The following TRPM1 variants were observed in gnomAD, a reference collection of about 807,000 sequenced individuals.
TRPM1 encodes TRPM1-203 APA Isoform, Intron 10.
Under a neutral mutation model 149.4 loss-of-function variants are expected in TRPM1, and 113 were observed. The ratio of observed to expected loss-of-function variants is 0.76; its 90% confidence interval spans 0.65 to 0.88. The LOEUF is 0.88. Among genes scored for constraint, TRPM1 ranks in the 40% least tolerant of loss-of-function variants. The pLI, the probability that TRPM1 is intolerant of heterozygous loss-of-function variation, is 0.00. For synonymous variants in TRPM1, 741 were observed against 759.5 expected (o/e 0.98, Z 0.40); for missense variants, 1,976 against 2,038.7 (o/e 0.97, Z 0.59).
intron 11 of TRPM1, among the ~76,000 whole-genome samples, chr15:31,058,935 A>AG (rs2034155221): frequency 6.6e-6 from 1 of 151,944 alleles, no homozygotes; most frequent in South Asian, 2.1e-4. Context: ...TGCAAAAAAA[A>AG]TTTAGCTGGG....
At chr15:31,082,388 G>A (rs891925460) in intron 1 of TRPM1, among the ~76,000 whole-genome samples, 4 of 152,086 alleles carry the variant, frequency 2.6e-5, no homozygotes, top group Admixed American at 6.5e-5. Context: ...TACTGGAGGC[G>A]GACTGCTGGC....
chr15:31,159,764 G>T (rs1043597644), intron 1 of TRPM1, among the ~76,000 whole-genome samples: 1 of 152,094 alleles, frequency 6.6e-6, no homozygotes, highest in Non-Finnish European at 1.5e-5. Context: ...TTTTATGGAC[G>T]GGGAGACTGC....
At chr15:31,071,955 C>A (rs1243723045) in intron 3 of TRPM1, among the ~76,000 whole-genome samples, 1 of 97,068 alleles carries the variant, frequency 1.0e-5, no homozygotes, top group Non-Finnish European at 2.0e-5. Context: ...CAGAGTGAGA[C>A]TCCGTCTCAA....
intron 1 of TRPM1, among the ~76,000 whole-genome samples, chr15:31,143,865 TGTGA>T (rs1294454490): frequency 8.5e-5 from 13 of 152,224 alleles, no homozygotes; most frequent in Non-Finnish European, 1.6e-4. Flanking sequence ...AGAAGCTATT[TGTGA>T]GTATTCTTAT....
intron 7 of TRPM1, among the ~76,000 whole-genome samples, chr15:31,065,517 G>C (rs1241522431): frequency 1.3e-5 from 2 of 152,132 alleles, no homozygotes; most frequent in East Asian, 3.9e-4. Flanking sequence ...TGAGGTTTGC[G>C]TCTTTCTCTC....
At chr15:31,158,233 G>T (rs1457427392) in intron 1 of TRPM1, among the ~76,000 whole-genome samples, 1 of 152,122 alleles carries the variant, frequency 6.6e-6, no homozygotes, top group Non-Finnish European at 1.5e-5. Context: ...ACTGTTACAG[G>T]ACAGGGGTCC....
chr15:31,002,453 T>A lies in TRPM1; in HGVS notation c.4247A>T (p.Asp1416Val), dbSNP rs1409852330. ...CACTGTTAGCTGAGTGTTTTGAACA[T>A]CTGATTTGTCCTGTCCATGTATCAC... ...TDVIHGQDKS[D>V]VQNTQLTVET... The change falls in exon 28 of 28, where the codon GAT (aspartate) becomes GTT (valine). Residue 1416 changes from aspartate (D) to valine (V), a missense_variant. Asp to Val is a radical substitution (Grantham distance 152, BLOSUM62 -3). Coordinates refer to ENST00000256552, the MANE Select transcript of TRPM1 (RefSeq NM_001252024.2). The A allele has an allele frequency of 4.3e-6, 7 of 1,614,230 alleles. No individual in the cohort carries two copies. The Admixed American group carries it at 6.7e-5, about 15-fold the overall frequency.
At chr15:31,160,651 G>A (rs941769980) in intron 1 of TRPM1, among the ~76,000 whole-genome samples, 2 of 152,218 alleles carry the variant, frequency 1.3e-5, no homozygotes, top group Admixed American at 6.5e-5. Flanking sequence ...GACGCCTCCC[G>A]GGTTTGCCAC....
At chr15:31,069,980 G>A (rs187740943) in intron 4 of TRPM1, 51 bp downstream of exon 4, 75 of 1,613,994 alleles carry the variant, frequency 4.6e-5, no homozygotes, top group Admixed American at 2.8e-4. Context: ...GAGACTGGCC[G>A]CCAATGAAAG....
chr15:31,008,956 A>G (rs61997145), intron 27 of TRPM1, among the ~76,000 whole-genome samples: 34,892 of 152,140 alleles, frequency 0.23, 4,549 homozygotes, highest in Non-Finnish European at 0.29. Flanking sequence ...GAACTCAGAA[A>G]GAGAAGACTC....
In TRPM1 at chr15:31,042,278, A is replaced by G. The variant is rs553544365; in HGVS notation, c.1795-35T>C. The G allele has an allele frequency of 1.0e-4, 155 of 1,549,754 alleles. 5 individuals are homozygous for G. In the South Asian group the frequency reaches 1.7e-3, roughly 17 times the overall value. ...GAAACATGGATTTCATGGTTTTGCCATAAAAGTATGCAACAAAGAGTTCCA... is the reference window on the plus strand; with the variant it reads ...GAAACATGGATTTCATGGTTTTGCCGTAAAAGTATGCAACAAAGAGTTCCA... On this transcript the variant is annotated intron_variant, in intron 16 of 27. Transcript: ENST00000256552.
At position 31,046,275 on chromosome 15, in the gene TRPM1, A is replaced by AGTATTGT; in HGVS notation, c.1765-43_1765-42insACAATAC. 5.5e-5 allele frequency: 87 copies of AGTATTGT among 1,594,858 alleles called. No homozygotes were observed. In the African/African-American group the frequency reaches 1.1e-3, roughly 20 times the overall value. On this transcript the variant is annotated intron_variant, in intron 15 of 27. Transcript: ENST00000256552. The stretch of plus-strand genomic sequence containing the variant: ...GAAGAAAAAAAATCAATTTACTTAG[A>AGTATTGT]TAACTAATGTTAGTAGTACATTAGC...
intron 1 of TRPM1, among the ~76,000 whole-genome samples, chr15:31,091,046 G>C (rs760078428): frequency 5.9e-5 from 9 of 152,300 alleles, no homozygotes; most frequent in Middle Eastern, 3.4e-3. Context: ...AGCATTAGCT[G>C]ATAAAAAAAA....
intron 3 of TRPM1, 146 bp from the exon 4 acceptor site, chr15:31,070,372 A>G (rs1240684865): frequency 2.5e-6 from 2 of 790,088 alleles, no homozygotes; most frequent in Non-Finnish European, 4.4e-6. Flanking sequence ...TAGGGACAGA[A>G]ATGCCCCATC....
chr15:31,073,703 C>T (rs2034618977), intron 3 of TRPM1, among the ~76,000 whole-genome samples: 1 of 151,880 alleles, frequency 6.6e-6, no homozygotes, highest in Admixed American at 6.6e-5. Context: ...TTCTTTATTT[C>T]TCTTACCTAA....
At chr15:31,120,481 A>G (rs895263453) in intron 1 of TRPM1, among the ~76,000 whole-genome samples, 1 of 152,198 alleles carries the variant, frequency 6.6e-6, no homozygotes, top group African/African-American at 2.4e-5. Flanking sequence ...TCTATCAGTA[A>G]TTTATGGATC....
At chr15:31,077,799 T>A (rs1471268752) in intron 2 of TRPM1, among the ~76,000 whole-genome samples, 1 of 151,910 alleles carries the variant, frequency 6.6e-6, no homozygotes, top group African/African-American at 2.4e-5. Context: ...GTGCAGAGTG[T>A]GTCGTGATGC....
At chr15:31,104,660 C>G (rs1016404601), upstream of TRPM1, among the ~76,000 whole-genome samples, 29 of 136,458 alleles carry the variant, frequency 2.1e-4, no homozygotes, top group African/African-American at 7.1e-4. Context: ...GTGGCGCCAT[C>G]TCGGCTCACT....
intron 1 of TRPM1, among the ~76,000 whole-genome samples, chr15:31,095,594 A>G (rs1320774195): frequency 6.6e-6 from 1 of 152,048 alleles, no homozygotes; most frequent in Non-Finnish European, 1.5e-5. Context: ...CTGAGGCAGG[A>G]GAATAGCTTG....
Sources: gnomAD v4.1 joint callset for allele counts (sites outside exome capture counted in the v4.1 genomes callset) on GRCh38, gnomAD v4.1.1 for gene constraint, MANE v1.5 for transcripts, NCBI Gene and HGNC (gene_info 2026-07-23, HGNC 2026-07-21) for gene names.